TMTC2: variants seen among roughly 807,000 people sequenced by gnomAD.
The protein encoded by TMTC2 is protein O-mannosyl-transferase TMTC2.
Under a neutral mutation model 82.4 loss-of-function variants are expected in TMTC2, and 43 were observed. The observed-to-expected ratio is 0.52, with a 90% CI of 0.41 to 0.67. The LOEUF is 0.67. Among genes scored for constraint, TMTC2 ranks in the 30% least tolerant of loss-of-function variants. TMTC2 has a pLI of 0.00. For synonymous variants in TMTC2, 408 were observed against 381.9 expected (o/e 1.07, Z -0.80); for missense variants, 919 against 1,012.4 (o/e 0.91, Z 1.25).
At position 82,963,792 on chromosome 12, in the gene TMTC2, CATATATATATATATATAT is replaced by C. The variant is rs58960088; in HGVS notation, c.1599-1191_1599-1174del. ...TCAGATTAACTGTTGTCCAGATTTT[CATATATATATATATATAT>C]ATATATATATATATATATATATATA... On this transcript the variant is annotated intron_variant, in intron 4 of 11. Transcript: ENST00000321196. Among the ~76,000 whole-genome samples the C allele has an allele frequency of 6.5e-3, 344 of 53,054 alleles. 32 individuals carry two copies. Among genetic ancestry groups the C allele is most frequent in the East Asian group, 0.018 (17 of 930 alleles). 34.8% of individuals were successfully genotyped at this position (53,054 alleles called of 152,430 possible).
At chr12:82,702,294 C>G (rs755065506) in intron 1 of TMTC2, among the ~76,000 whole-genome samples, 8 of 152,186 alleles carry the variant, frequency 5.3e-5, no homozygotes, top group Non-Finnish European at 7.4e-5. Flanking sequence ...AATGTTTACT[C>G]TGTTCCTACT....
chr12:83,073,920 C>T (rs993526061), intron 11 of TMTC2, among the ~76,000 whole-genome samples: 1 of 152,034 alleles, frequency 6.6e-6, no homozygotes. Flanking sequence ...TGTGCTTTGT[C>T]TTTCTCTGGT....
intron 1 of TMTC2, among the ~76,000 whole-genome samples, chr12:82,795,018 A>G (rs953641078): frequency 6.6e-6 from 1 of 152,096 alleles, no homozygotes; most frequent in Non-Finnish European, 1.5e-5. Flanking sequence ...GAAGTTGAGA[A>G]AATTGGCCTG....
intron 1 of TMTC2, among the ~76,000 whole-genome samples, chr12:82,808,778 G>C (rs886627096): frequency 6.6e-6 from 1 of 151,910 alleles, no homozygotes; most frequent in Admixed American, 6.6e-5. Flanking sequence ...TTTGGGATTA[G>C]TTTTTATTTT....
At position 82,930,512 on chromosome 12, in the gene TMTC2, A is replaced by G. The variant is rs1490781887; in HGVS notation, c.1565A>G (p.Tyr522Cys). Reference sequence around the variant, plus strand: ...AGCGCCTATAGAAATGCTTTGTACTACCGCAGCAACATGGCTGACATGCTT... The same window carrying G: ...AGCGCCTATAGAAATGCTTTGTACTGCCGCAGCAACATGGCTGACATGCTT... ...AESAYRNALY[Y>C]RSNMADMLYN... The change falls in exon 4 of 12, where the codon TAC becomes TGC. Residue 522 changes from tyrosine (Y) to cysteine (C), a missense_variant. Tyr to Cys is a radical substitution (Grantham distance 194). Transcript: ENST00000321196. 1.9e-6 allele frequency: 3 copies of G among 1,600,468 alleles called. No individual in the cohort carries two copies. Among genetic ancestry groups the G allele is most frequent in the Non-Finnish European group, 2.6e-6 (3 of 1,169,772 alleles).
intron 4 of TMTC2, among the ~76,000 whole-genome samples, chr12:82,955,267 G>A (rs1485411067): frequency 1.3e-5 from 2 of 152,126 alleles, no homozygotes; most frequent in Non-Finnish European, 2.9e-5. Flanking sequence ...CCCTGGGGTG[G>A]GAGGAAGTCA....
intron 8 of TMTC2, among the ~76,000 whole-genome samples, chr12:83,029,880 G>C (rs963551261): frequency 3.3e-5 from 5 of 151,904 alleles, no homozygotes; most frequent in African/African-American, 1.2e-4. Context: ...CCTGTTTTTT[G>C]CTTATTTTCC....
chr12:83,000,283 TGCCACCATGCCTA>T (rs1164426468), intron 8 of TMTC2, among the ~76,000 whole-genome samples: 2 of 152,116 alleles, frequency 1.3e-5, no homozygotes, highest in African/African-American at 4.8e-5. Context: ...TACAGGTGTA[TGCCACCATGCCTA>T]GCAAATTTTT....
intron 1 of TMTC2, among the ~76,000 whole-genome samples, chr12:82,766,957 C>T (rs769010257): frequency 2.4e-4 from 37 of 152,100 alleles, no homozygotes; most frequent in Non-Finnish European, 5.0e-4. Context: ...CGCCACCACA[C>T]CCAGATAATT....
chr12:82,753,952 A>T (rs1290136457), intron 1 of TMTC2, among the ~76,000 whole-genome samples: 1 of 152,212 alleles, frequency 6.6e-6, no homozygotes, highest in African/African-American at 2.4e-5. Flanking sequence ...TTAGTAGGTC[A>T]CGTTTTTCCA....
At chr12:83,055,919 C>CAATA (rs1474797970) in intron 10 of TMTC2, among the ~76,000 whole-genome samples, 1 of 151,950 alleles carries the variant, frequency 6.6e-6, no homozygotes, top group Non-Finnish European at 1.5e-5. Context: ...GACTCAAAGT[C>CAATA]AATACTCTTC....
At chr12:83,030,712 G>A in intron 8 of TMTC2, 86 bp from the exon 9 acceptor site, 1 of 1,016,244 alleles carries the variant, frequency 9.8e-7, no homozygotes, top group Non-Finnish European at 1.5e-6. Flanking sequence ...TTACCAAGTA[G>A]ACATTTGGCT....
intron 1 of TMTC2, among the ~76,000 whole-genome samples, chr12:82,835,304 A>G (rs1383116706): frequency 6.6e-6 from 1 of 152,072 alleles, no homozygotes; most frequent in Non-Finnish European, 1.5e-5. Flanking sequence ...TTGATTATCT[A>G]TTGTATTTGT....
At chr12:83,007,080 A>G (rs998235097) in intron 8 of TMTC2, among the ~76,000 whole-genome samples, 2 of 152,084 alleles carry the variant, frequency 1.3e-5, no homozygotes, top group Non-Finnish European at 2.9e-5. Flanking sequence ...TGTACCCTAG[A>G]ACTTAAAGTA....
At chr12:82,980,088 G>C (rs897958036) in intron 7 of TMTC2, among the ~76,000 whole-genome samples, 1 of 151,616 alleles carries the variant, frequency 6.6e-6, no homozygotes, top group Non-Finnish European at 1.5e-5. Context: ...TTCTATAACC[G>C]TCTTGTTATT....
At chr12:82,965,374 A>G (rs1002614269) in intron 5 of TMTC2, among the ~76,000 whole-genome samples, 186 bp from the exon 6 acceptor site, 1 of 152,126 alleles carries the variant, frequency 6.6e-6, no homozygotes, top group Non-Finnish European at 1.5e-5. Flanking sequence ...ACACTATTTC[A>G]TATGTTCTGC....
At chr12:82,950,795 A>C (rs890302211) in intron 4 of TMTC2, among the ~76,000 whole-genome samples, 1 of 152,158 alleles carries the variant, frequency 6.6e-6, no homozygotes, top group Non-Finnish European at 1.5e-5. Context: ...TTAAGGAAAA[A>C]CTCATATAAA....
At chr12:82,811,839 A>G (rs1346967004) in intron 1 of TMTC2, among the ~76,000 whole-genome samples, 3 of 96,978 alleles carry the variant, frequency 3.1e-5, no homozygotes, top group Admixed American at 1.7e-4. Flanking sequence ...TTTTTCTGAG[A>G]TGGAGTCTCG....
chr12:82,811,807 CTTTTTTTTTTTTTTT>C lies in TMTC2; in HGVS notation c.84-45191_84-45177del, dbSNP rs1171596880. ...AAGTTTTCTTTTCCATGCTCTCCTT[CTTTTTTTTTTTTTTT>C]TTTTTTTTTTTCTGAGATGGAGTCT... On this transcript the variant is annotated intron_variant, in intron 1 of 11. Coordinates refer to ENST00000321196, the MANE Select transcript of TMTC2 (RefSeq NM_152588.3). 1.2e-4 allele frequency among the ~76,000 whole-genome samples: 11 copies of C among 91,096 alleles called. No individual in the cohort carries two copies. The Admixed American group carries it at 1.4e-3, about 11-fold the overall frequency. The allele number at this position is 91,096 out of a possible 152,430, so 59.8% of individuals were successfully genotyped here. A position where few individuals can be genotyped will look rare whatever the true frequency, so the allele number is the denominator to read the frequency against.
Sources: allele counts gnomAD v4.1 joint callset (sites outside exome capture counted in the v4.1 genomes callset), GRCh38; gene constraint gnomAD v4.1.1; transcripts MANE v1.5; gene names NCBI Gene and HGNC (gene_info 2026-07-23, HGNC 2026-07-21).